Variants in FSHR observed in about 807,000 individuals in gnomAD.
The protein encoded by FSHR is follicle-stimulating hormone receptor.
Under a neutral mutation model 52.1 loss-of-function variants are expected in FSHR, and 46 were observed. That is an observed-to-expected ratio of 0.88 (90% CI 0.70 to 1.13). The LOEUF (loss-of-function observed/expected upper bound fraction) is 1.13. Among genes scored for constraint, FSHR ranks in the 50% most tolerant of loss-of-function variants. FSHR has a pLI of 0.00. For missense variants in FSHR, 964 were observed against 834.6 expected, an observed-to-expected ratio of 1.16 and a Z score of -1.91; for synonymous variants, 399 against 309.6, an observed-to-expected ratio of 1.29 and a Z score of -3.03.
At chr2:49,049,374 T>C (rs1237010963) in intron 2 of FSHR, among the ~76,000 whole-genome samples, 2 of 152,082 alleles carry the variant, frequency 1.3e-5, no homozygotes, top group African/African-American at 2.4e-5. Flanking sequence ...TGGAAGAAGA[T>C]TGCGTTTGAT....
intron 2 of FSHR, among the ~76,000 whole-genome samples, chr2:49,060,945 C>G (rs1353378225): frequency 6.6e-6 from 1 of 152,142 alleles, no homozygotes; most frequent in African/African-American, 2.4e-5. Flanking sequence ...CTGCAAAGTG[C>G]CTCATCTCCT....
chr2:48,997,636 A>G lies in FSHR; in HGVS notation c.375-6999T>C, dbSNP rs538758958. 2.0e-5 allele frequency among the ~76,000 whole-genome samples: 3 copies of G among 152,214 alleles called. No homozygotes were observed. The South Asian group carries it at 6.2e-4, about 32-fold the overall frequency. ...CTCTTATATTTTACACAGGGAAATA[A>G]GATTTACCTTTTAGGACAACTTAGC... On this transcript the variant is annotated intron_variant, in intron 4 of 9. Transcript: ENST00000406846.
chr2:48,975,178 G>A (rs1427207893), intron 8 of FSHR, among the ~76,000 whole-genome samples: 2 of 152,114 alleles, frequency 1.3e-5, no homozygotes, highest in South Asian at 2.1e-4. Flanking sequence ...TCCATGGATT[G>A]AGTAAGGAAG....
chr2:49,078,093 C>T (rs1337697110), intron 1 of FSHR, among the ~76,000 whole-genome samples: 1 of 152,132 alleles, frequency 6.6e-6, no homozygotes, highest in Non-Finnish European at 1.5e-5. Flanking sequence ...TGTTTTAGTC[C>T]ACTTTCATGC....
At chr2:49,078,702 G>A (rs1488961029) in intron 1 of FSHR, among the ~76,000 whole-genome samples, 3 of 151,936 alleles carry the variant, frequency 2.0e-5, no homozygotes, top group South Asian at 2.1e-4. Context: ...CACAATAAAA[G>A]TTTTTAAGAA....
chr2:49,052,287 C>T (rs1397667194), intron 2 of FSHR, among the ~76,000 whole-genome samples: 1 of 152,142 alleles, frequency 6.6e-6, no homozygotes, highest in Non-Finnish European at 1.5e-5. Context: ...TCACTCCCAG[C>T]TTCCTCTTTG....
At chr2:49,042,938 C>G (rs1019332189) in intron 2 of FSHR, among the ~76,000 whole-genome samples, 1 of 152,164 alleles carries the variant, frequency 6.6e-6, no homozygotes, top group African/African-American at 2.4e-5. Context: ...TTATGCCTAA[C>G]ATTGACAACA....
At chr2:49,113,945 C>T (rs1415317501) in intron 1 of FSHR, among the ~76,000 whole-genome samples, 5 of 152,244 alleles carry the variant, frequency 3.3e-5, no homozygotes, top group South Asian at 2.1e-4. Flanking sequence ...CTTGTCACCC[C>T]CATTAAGAAC....
intron 1 of FSHR, among the ~76,000 whole-genome samples, chr2:49,145,682 A>G (rs1672844939): frequency 6.6e-6 from 1 of 152,082 alleles, no homozygotes; most frequent in Non-Finnish European, 1.5e-5. Flanking sequence ...GCAAGGAAAA[A>G]CATTGTCACT....
At chr2:49,118,252 G>A (rs538972324) in intron 1 of FSHR, among the ~76,000 whole-genome samples, 57 of 152,238 alleles carry the variant, frequency 3.7e-4, no homozygotes, top group African/African-American at 1.3e-3. Flanking sequence ...GGAGCAAGGA[G>A]GGGGAGGGAG....
chr2:49,016,356 T>G (rs980175213), intron 4 of FSHR, among the ~76,000 whole-genome samples: 1 of 152,212 alleles, frequency 6.6e-6, no homozygotes, highest in Admixed American at 6.5e-5. Context: ...TGAATCTGGA[T>G]GATTCAGTGA....
intron 2 of FSHR, among the ~76,000 whole-genome samples, chr2:49,029,469 A>G (rs1342351175): frequency 6.6e-6 from 1 of 152,208 alleles, no homozygotes. Context: ...GCAAAGCTGC[A>G]TTTGGAAAGG....
chr2:49,042,395 G>A (rs1668509223), intron 2 of FSHR, among the ~76,000 whole-genome samples: 2 of 152,122 alleles, frequency 1.3e-5, no homozygotes, highest in Non-Finnish European at 2.9e-5. Context: ...TAGAACAAGA[G>A]CAGAGAAACA....
intron 2 of FSHR, among the ~76,000 whole-genome samples, chr2:49,057,289 G>T (rs1337314782): frequency 6.6e-6 from 1 of 151,888 alleles, no homozygotes; most frequent in Non-Finnish European, 1.5e-5. Flanking sequence ...GAAAAAATGG[G>T]AGAATAACCA....
At chr2:48,993,818 C>T (rs1675894865) in intron 4 of FSHR, among the ~76,000 whole-genome samples, 1 of 152,152 alleles carries the variant, frequency 6.6e-6, no homozygotes, top group Non-Finnish European at 1.5e-5. Context: ...AGAAGGCTAA[C>T]CATCCATTCT....
Position 49,126,673 on chromosome 2 carries a change from T to A in FSHR, c.152+27593A>T, listed in dbSNP as rs571468307. Among the ~76,000 whole-genome samples the A allele has an allele frequency of 2.8e-4, 43 of 152,292 alleles. No homozygotes were observed. The South Asian group carries it at 8.1e-3, about 29-fold the overall frequency. ...TTGGAAGGGACTGGGGATCACTATG[T>A]TCAATTCTGTCACTGTATAGAGGAA... is the stretch of plus-strand genomic sequence containing the variant. On this transcript the variant is annotated intron_variant, in intron 1 of 9. Transcript: ENST00000406846.
At chr2:49,000,784 G>A (rs951547575) in intron 4 of FSHR, among the ~76,000 whole-genome samples, 11 of 152,092 alleles carry the variant, frequency 7.2e-5, no homozygotes, top group Admixed American at 2.0e-4. Context: ...TTTCATAGCT[G>A]CTCCCTCTAG....
Position 48,963,762 on chromosome 2 carries a change from G to A in FSHR, c.1059C>T (p.Phe353=), listed in dbSNP as rs1423111932. 2.5e-6 allele frequency: 4 copies of A among 1,614,112 alleles called. No individual in the cohort carries two copies. Among genetic ancestry groups the A allele is most frequent in the Non-Finnish European group, 3.4e-6 (4 of 1,179,994 alleles). ...DVTCSPKPDA[F]NPCEDIMGYN... is the part of the protein sequence containing the mutation. ...ACCCCATGATATCTTCACATGGGTT[G>A]AATGCATCTGGCTTAGGGGAGCAGG... The change falls in exon 10 of 10, where the codon TTC becomes TTT. Residue 353 remains phenylalanine, a synonymous_variant. Transcript: ENST00000406846.
intron 4 of FSHR, among the ~76,000 whole-genome samples, chr2:49,002,550 G>A (rs1666936035): frequency 6.6e-6 from 1 of 152,052 alleles, no homozygotes; most frequent in Non-Finnish European, 1.5e-5. Context: ...TCTTCACATG[G>A]TGGCAGCAAG....
Sources: allele counts gnomAD v4.1 joint callset (sites outside exome capture counted in the v4.1 genomes callset), GRCh38; gene constraint gnomAD v4.1.1; transcripts MANE v1.5; gene names NCBI Gene and HGNC (gene_info 2026-07-23, HGNC 2026-07-21).